The following TRABD2A variants were observed in gnomAD, a reference collection of about 807,000 sequenced individuals.
TRABD2A encodes TraB domain containing 2A.
A neutral mutation model predicts 45.6 loss-of-function variants in TRABD2A; 43 were observed. The ratio of observed to expected loss-of-function variants is 0.94; its 90% CI spans 0.74 to 1.22. TRABD2A has a LOEUF of 1.22. Ranked by LOEUF, TRABD2A falls within the 50% of genes most tolerant of loss-of-function variation. The probability of loss-of-function intolerance (pLI) is 0.00; values close to 1 mark genes in which losing one functional copy is unlikely to be tolerated. For synonymous variants in TRABD2A, 269 were observed against 265.0 expected (o/e 1.02, Z -0.15); for missense variants, 642 against 652.4 (o/e 0.98, Z 0.17).
rs911938860 is a variant in TRABD2A at position 84,841,981 on chromosome 2, G to A, written c.696C>T (p.Leu232=). ...SQVIFALNQT[L]LQQESLRAGS... ...CTGCTCGCAGGCTTTCCTGCTGCAG[G>A]AGGGTCTGGTTCAAAGCAAAGATGA... The change falls in exon 3 of 7, where the codon CTC becomes CTT. Residue 232 remains leucine (L), a synonymous_variant. Transcript: ENST00000409520. 2.6e-6 allele frequency: 4 copies of A among 1,540,072 alleles called. No homozygotes were observed. In the Admixed American group the frequency reaches 8.2e-5, roughly 32 times the overall value.
At chr2:84,857,474 C>T (rs1008725589) in intron 2 of TRABD2A, among the ~76,000 whole-genome samples, 22 of 152,180 alleles carry the variant, frequency 1.4e-4, no homozygotes, top group African/African-American at 4.8e-4. Context: ...CACCCTTAAC[C>T]GCATGTGAAC....
rs1681721516 is a variant in TRABD2A, at chr2:84,841,851, G to A, written c.816+10C>T. Reference sequence around the variant, plus strand: ...GTGTGCTGAGCTTGGCAGGGGGAAAGGGTGCTCACCTGGGAGCTGTCATGG... The same window carrying A: ...GTGTGCTGAGCTTGGCAGGGGGAAAAGGTGCTCACCTGGGAGCTGTCATGG... On this transcript the variant is annotated intron_variant, in intron 3 of 6. Transcript: ENST00000409520. 1 of 1,511,110 alleles carries A rather than the reference G, an allele frequency of 6.6e-7. No homozygotes were observed. Among genetic ancestry groups the A allele is most frequent in the Non-Finnish European group, 8.8e-7 (1 of 1,132,246 alleles). 93.6% of individuals were successfully genotyped at this position (1,511,110 alleles called of 1,614,324 possible). A position where few individuals can be genotyped will look rare whatever the true frequency, so the allele number is the denominator to read the frequency against.
intron 1 of TRABD2A, among the ~76,000 whole-genome samples, 157 bp downstream of exon 1, chr2:84,880,775 G>A (rs1171709749): frequency 2.0e-5 from 3 of 152,262 alleles, no homozygotes; most frequent in African/African-American, 7.2e-5. Flanking sequence ...CGAGGGCACG[G>A]AGAGGAGAGC....
intron 1 of TRABD2A, among the ~76,000 whole-genome samples, 172 bp from the exon 2 acceptor site, chr2:84,870,957 CA>C (rs375175166): frequency 7.4e-4 from 113 of 152,256 alleles, no homozygotes; most frequent in Middle Eastern, 3.4e-3. Flanking sequence ...CCTAAATAGA[CA>C]GGAGCAAATT....
At chr2:84,845,512 CCCTGTGGT>C (rs1358275041) in intron 2 of TRABD2A, among the ~76,000 whole-genome samples, 2 of 151,488 alleles carry the variant, frequency 1.3e-5, no homozygotes, top group African/African-American at 4.9e-5. Context: ...AGGTTTCTGG[CCCTGTGGT>C]CCTCAAGGAC....
rs969797503 is a variant in TRABD2A, at chr2:84,847,015, C to A, written c.670-5008G>T. Reference sequence around the variant, plus strand: ...TGCCTCAGGCTGCCCTGGAGGGAAGCTGGGCAGGGGCAGGGCCCTGCTGAA... The same window carrying A: ...TGCCTCAGGCTGCCCTGGAGGGAAGATGGGCAGGGGCAGGGCCCTGCTGAA... On this transcript the variant is annotated intron_variant, in intron 2 of 6. Transcript: ENST00000409520. Among the ~76,000 whole-genome samples, 5 of 152,336 alleles carry A rather than the reference C, an allele frequency of 3.3e-5. No individual in the cohort carries two copies. The South Asian group carries it at 1.0e-3, about 32-fold the overall frequency.
rs763525706 is a variant in TRABD2A, at chr2:84,839,195, A to C, written c.945T>G (p.Leu315=). The C allele has an allele frequency of 1.2e-6, 2 of 1,613,874 alleles. No homozygotes were observed. The highest frequency in any genetic ancestry group is 1.7e-6 in the Non-Finnish European group (2 of 1,179,868). ...AGCCTTTGTCAGGGAACTCCTCCAA[A>C]AGGGCCTTCACCCGCTTCCCTATTC... is the stretch of plus-strand genomic sequence containing the variant. The part of the protein sequence containing the change: ...NERIGKRVKA[L]LEEFPDKGFF... The change falls in exon 4 of 7, where the codon CTT becomes CTG. Residue 315 remains leucine (L), a synonymous_variant. Coordinates refer to ENST00000409520, the MANE Select transcript of TRABD2A (RefSeq NM_001277053.2).
At chr2:84,834,940 T>A (rs1180713615) in intron 4 of TRABD2A, 1 of 152,226 alleles carries the variant, frequency 6.6e-6, no homozygotes, top group Non-Finnish European at 1.5e-5. Context: ...GGTAGCCCCA[T>A]GTTTAATTTT....
At chr2:84,834,867 G>A (rs1461246538) in intron 4 of TRABD2A, 5 of 152,058 alleles carry the variant, frequency 3.3e-5, no homozygotes, top group East Asian at 1.9e-4. Flanking sequence ...ACAAATTTTC[G>A]TGTGGACATA....
chr2:84,870,457 C>T lies in TRABD2A; in HGVS notation c.437G>A (p.Gly146Glu), dbSNP rs1682838841. 1 of 1,614,024 alleles carries T rather than the reference C, an allele frequency of 6.2e-7. No homozygotes were observed. Among genetic ancestry groups the T allele is most frequent in the Admixed American group, 1.7e-5 (1 of 60,022 alleles). ...ATTGAAGAGGTAGTCTGCGTAGAGC[C>T]CCTTGCCGCGCTGGTCTGGGGTCAT... ...LWMTPDQRGK[G>E]LYADYLFNAI... The change falls in exon 2 of 7, where the codon GGG becomes GAG. Residue 146 changes from glycine to glutamate, a missense_variant. By Grantham distance (98) the Gly-to-Glu change is moderately conservative (BLOSUM62 -2). Coordinates refer to ENST00000409520, the MANE Select transcript of TRABD2A (RefSeq NM_001277053.2).
At chr2:84,862,021 G>A (rs991325040) in intron 2 of TRABD2A, among the ~76,000 whole-genome samples, 1 of 152,206 alleles carries the variant, frequency 6.6e-6, no homozygotes, top group Non-Finnish European at 1.5e-5. Context: ...AGAATACAGA[G>A]AAGAAGCGCC....
intron 4 of TRABD2A, 158 bp downstream of exon 4, chr2:84,838,991 T>A (rs1681613882): frequency 1.3e-6 from 1 of 779,188 alleles, no homozygotes; most frequent in African/African-American, 1.7e-5. Flanking sequence ...CATCCCCAGC[T>A]GGAGCCACTC....
intron 2 of TRABD2A, among the ~76,000 whole-genome samples, chr2:84,864,838 T>A (rs917842044): frequency 6.6e-6 from 1 of 152,104 alleles, no homozygotes; most frequent in Non-Finnish European, 1.5e-5. Context: ...GGCCACCCCA[T>A]CCTCAAAGAA....
chr2:84,858,009 A>G (rs1573941568), intron 2 of TRABD2A, among the ~76,000 whole-genome samples: 1 of 152,116 alleles, frequency 6.6e-6, no homozygotes, highest in African/African-American at 2.4e-5. Context: ...CTGAGTAGCT[A>G]GGACTACAGG....
rs1047501358 is a variant in TRABD2A, at chr2:84,830,551, C to T, written c.1082+1504G>A. Among the ~76,000 whole-genome samples the T allele has an allele frequency of 3.3e-5, 5 of 152,080 alleles. No homozygotes were observed. The highest frequency in any genetic ancestry group is 1.2e-4 in the African/African-American group (5 of 41,408). The stretch of plus-strand genomic sequence containing the variant: ...AGAGGGAGAAGGGCCTGGAAGGGGG[C>T]GGTGGCCATGGAAATGGAGAAGGAC... On this transcript the variant is annotated intron_variant, in intron 5 of 6. Transcript: ENST00000409520. The surrounding 1 kb of genome is among the most constrained non-coding windows in gnomAD (Gnocchi z 4.9).
At chr2:84,869,296 C>T (rs1425420733) in intron 2 of TRABD2A, among the ~76,000 whole-genome samples, 2 of 152,208 alleles carry the variant, frequency 1.3e-5, no homozygotes, top group Non-Finnish European at 2.9e-5. Context: ...TTTCATATTG[C>T]AAGACTCCCA....
At chr2:84,827,776 GA>G (rs1681193258) in intron 5 of TRABD2A, among the ~76,000 whole-genome samples, 1 of 152,168 alleles carries the variant, frequency 6.6e-6, no homozygotes, top group African/African-American at 2.4e-5. Flanking sequence ...GTCAGAGGGG[GA>G]TATGACTATG....
intron 2 of TRABD2A, among the ~76,000 whole-genome samples, chr2:84,845,851 G>A (rs1681877372): frequency 6.6e-6 from 1 of 152,098 alleles, no homozygotes; most frequent in Non-Finnish European, 1.5e-5. Context: ...ATACAGTCAT[G>A]AACAAGACAA....
At chr2:84,826,664 T>A (rs908035767) in intron 5 of TRABD2A, among the ~76,000 whole-genome samples, 3 of 152,198 alleles carry the variant, frequency 2.0e-5, no homozygotes, top group African/African-American at 7.2e-5. Context: ...CCCAAATAGC[T>A]GGGATTACAG....
Sources: allele counts gnomAD v4.1 joint callset (sites outside exome capture counted in the v4.1 genomes callset), GRCh38; gene constraint gnomAD v4.1.1; non-coding constraint Gnocchi (gnomAD v3.1); transcripts MANE v1.5; gene names NCBI Gene and HGNC (gene_info 2026-07-23, HGNC 2026-07-21).